The following TENM2 variants were observed in gnomAD, a reference collection of about 807,000 sequenced individuals.
TENM2 encodes the protein teneurin-2.
TENM2 carries 52 observed loss-of-function variants against 245.2 expected under a neutral mutation model. That is an observed-to-expected ratio of 0.21 (90% CI 0.17 to 0.27). The LOEUF is 0.27. TENM2 is among the 10% of genes least tolerant of loss of function. TENM2 has a pLI of 1.00. For missense variants in TENM2, 3,046 were observed against 3,666.8 expected, an observed-to-expected ratio of 0.83 and a Z score of 4.37; for synonymous variants, 1,363 against 1,438.9, an observed-to-expected ratio of 0.95 and a Z score of 1.19.
At chr5:167,787,617 C>A (rs753291136) in intron 2 of TENM2, among the ~76,000 whole-genome samples, 1 of 152,162 alleles carries the variant, frequency 6.6e-6, no homozygotes, top group Non-Finnish European at 1.5e-5. Context: ...CCAGTGATTC[C>A]AACAAACACC....
chr5:167,630,805 T>C (rs2127791437), intron 2 of TENM2, among the ~76,000 whole-genome samples: 1 of 152,332 alleles, frequency 6.6e-6, no homozygotes, highest in Middle Eastern at 3.4e-3. Flanking sequence ...GGAGAGATAC[T>C]TGGAGCTATA....
intron 2 of TENM2, among the ~76,000 whole-genome samples, chr5:167,461,153 G>A (rs191286831): frequency 3.3e-5 from 5 of 151,066 alleles, no homozygotes; most frequent in Admixed American, 3.3e-4. Context: ...AAGTTATTTT[G>A]TTCATATTCA....
intron 23 of TENM2, among the ~76,000 whole-genome samples, chr5:168,225,177 T>C (rs1439751678): frequency 6.6e-6 from 1 of 151,970 alleles, no homozygotes; most frequent in Non-Finnish European, 1.5e-5. Context: ...GCCATGGCGG[T>C]TTAGTGGGGA....
In TENM2 at chr5:167,814,472, AAAAG is replaced by A. The variant is rs1400072630; in HGVS notation, c.503-61510_503-61507del. 7.5e-4 allele frequency among the ~76,000 whole-genome samples: 113 copies of A among 151,160 alleles called. 1 individual carries two copies. In the East Asian group the frequency reaches 0.019, roughly 25 times the overall value. On this transcript the variant is annotated intron_variant, in intron 2 of 28. Transcript: ENST00000518659. ...CCGATTCAAAAAAAAAAAAAAAAGA[AAAAG>A]AAAAGAAAAAGAAAGAAAAGCAATA...
intron 3 of TENM2, among the ~76,000 whole-genome samples, chr5:167,931,178 T>C (rs1299384502): frequency 6.6e-6 from 1 of 152,158 alleles, no homozygotes; most frequent in African/African-American, 2.4e-5. Flanking sequence ...TTGCCTTTGA[T>C]GAAAATGAAA....
At chr5:168,069,229 A>G (rs1790773501) in intron 7 of TENM2, among the ~76,000 whole-genome samples, 1 of 152,236 alleles carries the variant, frequency 6.6e-6, no homozygotes, top group South Asian at 2.1e-4. Flanking sequence ...GCAGACACAC[A>G]TCGGCCTGGA....
chr5:167,439,380 G>T (rs945438816), intron 2 of TENM2, among the ~76,000 whole-genome samples: 1 of 152,256 alleles, frequency 6.6e-6, no homozygotes, highest in Non-Finnish European at 1.5e-5. Flanking sequence ...GTGATTTGAT[G>T]ATTGAACAAC....
At chr5:168,086,614 C>T (rs1390683191) in intron 7 of TENM2, among the ~76,000 whole-genome samples, 2 of 152,172 alleles carry the variant, frequency 1.3e-5, no homozygotes, top group Admixed American at 6.5e-5. Context: ...CAGACACATC[C>T]TTCTATTGGG....
intron 2 of TENM2, among the ~76,000 whole-genome samples, chr5:167,796,255 C>G (rs906487645): frequency 7.9e-5 from 12 of 152,120 alleles, no homozygotes; most frequent in Non-Finnish European, 1.6e-4. Context: ...CATGTGTTAT[C>G]CTGCCTCTGA....
intron 11 of TENM2, among the ~76,000 whole-genome samples, chr5:168,125,949 C>A (rs1795817717): frequency 6.6e-6 from 1 of 152,104 alleles, no homozygotes; most frequent in Non-Finnish European, 1.5e-5. Context: ...GCCCCACTCC[C>A]CGGCCTGGTC....
intron 2 of TENM2, among the ~76,000 whole-genome samples, chr5:167,680,010 T>C (rs576869964): frequency 1.6e-4 from 24 of 152,156 alleles, no homozygotes; most frequent in Non-Finnish European, 2.6e-4. Flanking sequence ...CTGCATTACC[T>C]TCTCTTTTCC....
intron 7 of TENM2, among the ~76,000 whole-genome samples, chr5:168,070,815 G>A (rs1451861244): frequency 2.3e-5 from 3 of 131,818 alleles, no homozygotes; most frequent in African/African-American, 8.5e-5. Context: ...GAGAGAGAGA[G>A]AGAGAAAAAA....
intron 2 of TENM2, among the ~76,000 whole-genome samples, chr5:167,634,438 A>G (rs2150226182): frequency 6.6e-6 from 1 of 152,088 alleles, no homozygotes; most frequent in East Asian, 1.9e-4. Flanking sequence ...TATATCAAGC[A>G]CAAAGAAGGT....
the TENM2 span, among the ~76,000 whole-genome samples, chr5:166,987,759 C>G: frequency 6.6e-6 from 1 of 152,004 alleles, no homozygotes; most frequent in African/African-American, 2.4e-5. Flanking sequence ...CCCAAGCTGT[C>G]AATTTACATT....
At chr5:167,063,251 G>A in the TENM2 span, among the ~76,000 whole-genome samples, 1 of 152,112 alleles carries the variant, frequency 6.6e-6, no homozygotes, top group Non-Finnish European at 1.5e-5. Context: ...GTCAGGCACG[G>A]AGTAGACACA....
intron 1 of TENM2, among the ~76,000 whole-genome samples, chr5:167,367,316 TATCA>T (rs1420490021): frequency 2.0e-5 from 3 of 152,182 alleles, no homozygotes; most frequent in Non-Finnish European, 4.4e-5. Flanking sequence ...AATATCAAAA[TATCA>T]ATCTCTTAGG....
chr5:167,523,099 A>G (rs1460748244), intron 2 of TENM2, among the ~76,000 whole-genome samples: 1 of 152,016 alleles, frequency 6.6e-6, no homozygotes, highest in Non-Finnish European at 1.5e-5. Flanking sequence ...TGCCTTTCTC[A>G]TGTAAGGATA....
the TENM2 span, among the ~76,000 whole-genome samples, chr5:167,158,862 T>G: frequency 4.5e-5 from 6 of 133,286 alleles, no homozygotes; most frequent in Non-Finnish European, 9.8e-5. Flanking sequence ...CTTCCTTCCT[T>G]CCTTCCTTCC....
intron 2 of TENM2, among the ~76,000 whole-genome samples, chr5:167,543,156 C>T (rs1772323069): frequency 6.6e-6 from 1 of 152,164 alleles, no homozygotes; most frequent in South Asian, 2.1e-4. Context: ...AGCTTAAGCA[C>T]TTCCGTTTAG....
Sources: gnomAD v4.1 joint callset for allele counts (sites outside exome capture counted in the v4.1 genomes callset) on GRCh38, gnomAD v4.1.1 for gene constraint, MANE v1.5 for transcripts, NCBI Gene and HGNC (gene_info 2026-07-23, HGNC 2026-07-21) for gene names.